PLPP4: variants seen among roughly 807,000 people sequenced by gnomAD.
PLPP4 encodes the protein diacylglycerol pyrophosphate like 2.
Under a neutral mutation model 32.2 loss-of-function variants are expected in PLPP4, and 20 were observed. The ratio of observed to expected loss-of-function variants is 0.62; its 90% CI spans 0.44 to 0.90. The LOEUF (loss-of-function observed/expected upper bound fraction) is 0.90, where lower values mean the gene tolerates loss of function less well. Among genes scored for constraint, PLPP4 ranks in the 40% least tolerant of loss-of-function variants. The probability of loss-of-function intolerance (pLI) is 0.00; values close to 1 mark genes in which losing one functional copy is unlikely to be tolerated. For missense variants in PLPP4, 257 were observed against 353.1 expected (o/e 0.73, Z 2.18); for synonymous variants, 127 against 133.0 (o/e 0.95, Z 0.31).
At chr10:120,506,823 C>G (rs1328517134) in intron 2 of PLPP4, among the ~76,000 whole-genome samples, 1 of 152,200 alleles carries the variant, frequency 6.6e-6, no homozygotes, top group Non-Finnish European at 1.5e-5. Context: ...ATGTCTGTCA[C>G]TCTGAAAGTT....
At chr10:120,511,322 C>T (rs1035915536) in intron 2 of PLPP4, among the ~76,000 whole-genome samples, 10 of 152,178 alleles carry the variant, frequency 6.6e-5, no homozygotes, top group African/African-American at 2.4e-4. Context: ...ACCTGGCACC[C>T]ACATCTCCTA....
At chr10:120,487,935 C>T (rs1216613405) in intron 1 of PLPP4, among the ~76,000 whole-genome samples, 1 of 152,200 alleles carries the variant, frequency 6.6e-6, no homozygotes, top group African/African-American at 2.4e-5. Context: ...ACCCAAAGCT[C>T]TCAACCCAGA....
At chr10:120,588,320 T>G (rs746128838) in intron 6 of PLPP4, among the ~76,000 whole-genome samples, 3 of 152,230 alleles carry the variant, frequency 2.0e-5, no homozygotes, top group Non-Finnish European at 2.9e-5. Flanking sequence ...GGGGCTGCCC[T>G]TGGGGCGGAG....
chr10:120,531,453 T>A (rs1846716965), intron 5 of PLPP4, among the ~76,000 whole-genome samples: 1 of 152,166 alleles, frequency 6.6e-6, no homozygotes, highest in African/African-American at 2.4e-5. Flanking sequence ...TCTTTTAATT[T>A]TGATTAAATC....
At chr10:120,546,266 C>T (rs1285681186) in intron 5 of PLPP4, among the ~76,000 whole-genome samples, 1 of 152,154 alleles carries the variant, frequency 6.6e-6, no homozygotes. Flanking sequence ...CTAGAGAACC[C>T]TGACTCACAC....
At chr10:120,568,106 C>A (rs1236944708) in intron 5 of PLPP4, among the ~76,000 whole-genome samples, 1 of 152,234 alleles carries the variant, frequency 6.6e-6, no homozygotes, top group Non-Finnish European at 1.5e-5. Context: ...TAGCTCGGGA[C>A]AGTAGCTTGA....
At chr10:120,510,827 C>T (rs149742736) in intron 2 of PLPP4, among the ~76,000 whole-genome samples, 263 of 152,302 alleles carry the variant, frequency 1.7e-3, no homozygotes, top group African/African-American at 5.7e-3. Context: ...TCCTGATTCA[C>T]GGACTGTGCT....
At chr10:120,525,784 G>A (rs747382546) in intron 5 of PLPP4, among the ~76,000 whole-genome samples, 6 of 152,336 alleles carry the variant, frequency 3.9e-5, no homozygotes, top group South Asian at 2.1e-4. Flanking sequence ...CACTGTGCTT[G>A]AGAAGTCTGA....
chr10:120,533,828 T>G (rs888925810), intron 5 of PLPP4, among the ~76,000 whole-genome samples: 1 of 152,182 alleles, frequency 6.6e-6, no homozygotes, highest in Non-Finnish European at 1.5e-5. Context: ...TTTGTTCCTG[T>G]GGATTCGAGT....
intron 5 of PLPP4, among the ~76,000 whole-genome samples, chr10:120,538,408 A>C (rs933256355): frequency 2.0e-5 from 3 of 152,048 alleles, no homozygotes; most frequent in Non-Finnish European, 4.4e-5. Context: ...CTTTCCTTTC[A>C]TCAGCCTTCG....
intron 2 of PLPP4, among the ~76,000 whole-genome samples, chr10:120,509,207 GAA>G: frequency 6.6e-6 from 1 of 152,230 alleles, no homozygotes; most frequent in Non-Finnish European, 1.5e-5. Flanking sequence ...TTAGTGAATT[GAA>G]ATCCTGCCAA....
intron 5 of PLPP4, among the ~76,000 whole-genome samples, chr10:120,523,594 C>T (rs2078707450): frequency 6.6e-6 from 1 of 152,120 alleles, no homozygotes; most frequent in Admixed American, 6.5e-5. Flanking sequence ...CATCTGTCTC[C>T]TGGTAGGGTC....
At chr10:120,532,995 G>T (rs1846812500) in intron 5 of PLPP4, among the ~76,000 whole-genome samples, 1 of 152,100 alleles carries the variant, frequency 6.6e-6, no homozygotes, top group South Asian at 2.1e-4. Context: ...ATATTAGATA[G>T]GTGCGAAAGT....
At chr10:120,568,341 C>A (rs970231270) in intron 5 of PLPP4, among the ~76,000 whole-genome samples, 1 of 152,328 alleles carries the variant, frequency 6.6e-6, no homozygotes, top group Non-Finnish European at 1.5e-5. Flanking sequence ...TCTTCTCTAG[C>A]AAACCCTGAG....
intron 5 of PLPP4, among the ~76,000 whole-genome samples, chr10:120,572,127 G>T (rs1848970766): frequency 6.6e-6 from 1 of 152,194 alleles, no homozygotes; most frequent in South Asian, 2.1e-4. Context: ...AGAGGCAGAG[G>T]CTTCAACATT....
rs149955981 is a variant in PLPP4, at chr10:120,553,886, C to T, written c.446-21245C>T. Among the ~76,000 whole-genome samples the T allele has an allele frequency of 9.0e-4, 137 of 152,290 alleles. 4 individuals are homozygous for T. In the East Asian group the frequency reaches 0.026, roughly 28 times the overall value. On this transcript the variant is annotated intron_variant, in intron 5 of 6. Coordinates refer to ENST00000398250, the MANE Select transcript of PLPP4 (RefSeq NM_001030059.3). ...TATTCTTCTCTCCTAGGGATCTAGA[C>T]CTTGATGTAGGAGCTGCCATGAAGG...
At chr10:120,549,370 C>A (rs1378535560) in intron 5 of PLPP4, among the ~76,000 whole-genome samples, 7 of 150,514 alleles carry the variant, frequency 4.7e-5, no homozygotes. Flanking sequence ...TAATTTAAAA[C>A]CTTTTCAGCA....
intron 5 of PLPP4, among the ~76,000 whole-genome samples, chr10:120,542,112 C>T (rs903452632): frequency 3.3e-5 from 5 of 152,178 alleles, no homozygotes; most frequent in Admixed American, 3.3e-4. Context: ...CACAGCAAGG[C>T]GCTGTTGCCT....
rs1238231548 is a variant in PLPP4, at chr10:120,489,440, C to G, written c.57-14378C>G. Among the ~76,000 whole-genome samples, 9 of 152,168 alleles carry G rather than the reference C, an allele frequency of 5.9e-5. No homozygotes were observed. The East Asian group carries it at 1.7e-3, about 29-fold the overall frequency. On this transcript the variant is annotated intron_variant, in intron 1 of 6. Transcript: ENST00000398250. ...GTGACCGTTAAATACCCGCTACTCC[C>G]CAGACGAGCTAGCAGCCAGTTTGAG...
Sources: gnomAD v4.1 joint callset for allele counts (sites outside exome capture counted in the v4.1 genomes callset) on GRCh38, gnomAD v4.1.1 for gene constraint, MANE v1.5 for transcripts, NCBI Gene and HGNC (gene_info 2026-07-23, HGNC 2026-07-21) for gene names.